The following ST3GAL3 variants were observed in gnomAD, a reference collection of about 807,000 sequenced individuals.
ST3GAL3 encodes CMP-N-acetylneuraminate-beta-1,4-galactoside alpha-2,3-sialyltransferase.
In ST3GAL3, 21 loss-of-function variants were observed where a neutral mutation model predicts 50.1. That is an observed-to-expected ratio of 0.42 (90% CI 0.30 to 0.60). The LOEUF is 0.60. ST3GAL3 is among the 20% of genes least tolerant of loss of function. The pLI is 0.19. For synonymous variants in ST3GAL3, 183 were observed against 190.0 expected (o/e 0.96, Z 0.30); for missense variants, 353 against 489.4 (o/e 0.72, Z 2.63).
intron 9 of ST3GAL3, among the ~76,000 whole-genome samples, chr1:43,905,471 C>G (rs1448323467): frequency 3.6e-5 from 5 of 138,632 alleles, no homozygotes; most frequent in African/African-American, 1.4e-4. Flanking sequence ...CCTCCCCCTC[C>G]TCCTGTTCCC....
chr1:43,803,619 C>T (rs1332893097), intron 3 of ST3GAL3, among the ~76,000 whole-genome samples: 1 of 152,164 alleles, frequency 6.6e-6, no homozygotes, highest in East Asian at 1.9e-4. Context: ...TGCATGGGAT[C>T]CTTTTGTTTA....
intron 3 of ST3GAL3, among the ~76,000 whole-genome samples, chr1:43,804,147 C>T (rs556627540): frequency 3.9e-5 from 6 of 152,238 alleles, no homozygotes; most frequent in South Asian, 2.1e-4. Context: ...TGCCACTACC[C>T]GAGAGGTGAA....
intron 5 of ST3GAL3, among the ~76,000 whole-genome samples, chr1:43,845,352 C>A (rs1306373337): frequency 1.3e-5 from 2 of 151,658 alleles, no homozygotes; most frequent in African/African-American, 2.4e-5. Flanking sequence ...TCAAGTTTTT[C>A]TGTTTCTTCT....
chr1:43,720,043 G>C (rs1669639935), intron 1 of ST3GAL3, among the ~76,000 whole-genome samples: 2 of 149,490 alleles, frequency 1.3e-5, no homozygotes, highest in African/African-American at 4.9e-5. Context: ...AGGAGTTAGA[G>C]ACCATCCTGT....
chr1:43,887,277 T>G (rs2076120944), intron 5 of ST3GAL3, among the ~76,000 whole-genome samples: 1 of 152,122 alleles, frequency 6.6e-6, no homozygotes, highest in South Asian at 2.1e-4. Flanking sequence ...AGTGTAAGAT[T>G]AGATAAATCT....
chr1:43,925,402 C>T (rs899902487), intron 11 of ST3GAL3, among the ~76,000 whole-genome samples: 2 of 151,552 alleles, frequency 1.3e-5, no homozygotes, highest in Non-Finnish European at 2.9e-5. Flanking sequence ...ATGAAAGGGA[C>T]AGTAACAGCA....
At position 43,930,891 on chromosome 1, in the gene ST3GAL3, T is replaced by C. The variant is rs779449519; in HGVS notation, c.*670T>C. 1 of 159,802 alleles carries C rather than the reference T, an allele frequency of 6.3e-6. No homozygotes were observed. The highest frequency in any genetic ancestry group is 1.4e-5 in the Non-Finnish European group (1 of 72,160). The allele number at this position is 159,802 out of a possible 1,614,324, so 9.9% of individuals were successfully genotyped here. On this transcript the variant is annotated 3_prime_UTR_variant, in exon 12 of 12. Transcript: ENST00000347631. ...AGCCAACAAGACCGCCCCAGGGCTA[T>C]AGCAGAAAGAACTTTAAAGCTCAGG...
chr1:43,889,189 G>A (rs1473942458), intron 5 of ST3GAL3, among the ~76,000 whole-genome samples: 1 of 126,994 alleles, frequency 7.9e-6, no homozygotes, highest in Non-Finnish European at 1.7e-5. Context: ...AGTGAATAAA[G>A]AAGGGAACAG....
At chr1:43,924,958 G>C (rs1284938883) in intron 11 of ST3GAL3, among the ~76,000 whole-genome samples, 2 of 152,094 alleles carry the variant, frequency 1.3e-5, no homozygotes, top group Non-Finnish European at 2.9e-5. Flanking sequence ...GAGGCTCCCA[G>C]CATCTGCTGC....
At chr1:43,833,314 A>G (rs902520272) in intron 4 of ST3GAL3, among the ~76,000 whole-genome samples, 1 of 152,346 alleles carries the variant, frequency 6.6e-6, no homozygotes, top group Non-Finnish European at 1.5e-5. Context: ...TGTGCCATAC[A>G]TGCTTTGCTA....
chr1:43,899,034 C>T lies in ST3GAL3; in HGVS notation c.462-134C>T, dbSNP rs2077820710. The T allele has an allele frequency of 2.4e-6, 3 of 1,228,638 alleles. No individual in the cohort carries two copies. The highest frequency in any genetic ancestry group is 5.1e-5 in the East Asian group (2 of 39,380). 76.1% of individuals were successfully genotyped at this position (1,228,638 alleles called of 1,614,324 possible). ...TCAGGCCTTCTCTCAGAAATGCTGC[C>T]AGAAGCCCATTGGTCTTCTTCCTCT... On this transcript the variant is annotated intron_variant, in intron 7 of 11. Coordinates refer to ENST00000347631, the MANE Select transcript of ST3GAL3 (RefSeq NM_006279.5). This position sits in a 1 kb window ranked among gnomAD's most constrained non-coding sequence, Gnocchi z 5.4.
At chr1:43,780,609 C>G (rs904887420) in intron 2 of ST3GAL3, among the ~76,000 whole-genome samples, 8 of 151,908 alleles carry the variant, frequency 5.3e-5, no homozygotes, top group Non-Finnish European at 1.0e-4. Flanking sequence ...TTTTCCATCT[C>G]TATCTTTTTG....
At chr1:43,715,164 G>A (rs1029361030) in intron 1 of ST3GAL3, among the ~76,000 whole-genome samples, 1 of 151,812 alleles carries the variant, frequency 6.6e-6, no homozygotes, top group Non-Finnish European at 1.5e-5. Context: ...TTTGGTCTCG[G>A]GATTCCCTTA....
chr1:43,734,267 TTTTCTTTCTTCTC>T (rs939903406), intron 1 of ST3GAL3, among the ~76,000 whole-genome samples: 6 of 151,546 alleles, frequency 4.0e-5, no homozygotes, highest in African/African-American at 1.5e-4. Flanking sequence ...TTATGTTTTC[TTTTCTTTCTTCTC>T]TTTCTTTCTT....
intron 9 of ST3GAL3, among the ~76,000 whole-genome samples, chr1:43,902,767 G>A (rs1431458562): frequency 6.6e-6 from 1 of 152,206 alleles, no homozygotes; most frequent in African/African-American, 2.4e-5. Context: ...TCCGGTGCAG[G>A]TCTTCTCAGA....
intron 11 of ST3GAL3, among the ~76,000 whole-genome samples, chr1:43,929,128 G>A (rs2154300328): frequency 6.6e-6 from 1 of 152,170 alleles, no homozygotes; most frequent in Non-Finnish European, 1.5e-5. Context: ...GCCTCTTCTA[G>A]TAATTTTGAA....
chr1:43,753,238 G>T (rs1686847218), intron 2 of ST3GAL3, among the ~76,000 whole-genome samples: 2 of 152,360 alleles, frequency 1.3e-5, no homozygotes, highest in Admixed American at 6.5e-5. Context: ...GAGCTGCTGT[G>T]CAGTGCAGTT....
chr1:43,723,622 C>CT (rs1558012509), intron 1 of ST3GAL3, among the ~76,000 whole-genome samples: 1 of 144,286 alleles, frequency 6.9e-6, no homozygotes, highest in East Asian at 2.0e-4. Flanking sequence ...TTTCTTTTTT[C>CT]TTTTTTTTAG....
At chr1:43,710,058 G>C (rs1663851316) in intron 1 of ST3GAL3, among the ~76,000 whole-genome samples, 1 of 151,810 alleles carries the variant, frequency 6.6e-6, no homozygotes, top group Non-Finnish European at 1.5e-5. Context: ...AGGTCTTGTT[G>C]ACCCTACTTC....
Sources: gnomAD v4.1 joint callset for allele counts (sites outside exome capture counted in the v4.1 genomes callset) on GRCh38, gnomAD v4.1.1 for gene constraint, Gnocchi (gnomAD v3.1) non-coding constraint, MANE v1.5 for transcripts, NCBI Gene and HGNC (gene_info 2026-07-23, HGNC 2026-07-21) for gene names.